Variants in PXDNL observed in about 807,000 individuals in gnomAD.
PXDNL encodes peroxidasin like, also known as probable oxidoreductase PXDNL.
PXDNL carries 145 observed loss-of-function variants against 150.8 expected under a neutral mutation model. The ratio of observed to expected loss-of-function variants is 0.96; its 90% CI spans 0.84 to 1.10. The LOEUF (loss-of-function observed/expected upper bound fraction) is 1.10. PXDNL is among the 50% of genes least tolerant of loss of function. The probability of loss-of-function intolerance (pLI) is 0.00; values close to 1 mark genes in which losing one functional copy is unlikely to be tolerated. For missense variants in PXDNL, 2,087 were observed against 1,873.9 expected (o/e 1.11, Z -2.10); for synonymous variants, 757 against 725.7 (o/e 1.04, Z -0.69).
chr8:51,471,318 T>G (rs1370807570), intron 8 of PXDNL, among the ~76,000 whole-genome samples: 7 of 152,130 alleles, frequency 4.6e-5, no homozygotes, highest in Non-Finnish European at 8.8e-5. Context: ...GGTGATCACA[T>G]TTAACTTTTT....
chr8:51,500,697 T>A (rs151078682), intron 4 of PXDNL, among the ~76,000 whole-genome samples: 58 of 152,310 alleles, frequency 3.8e-4, no homozygotes, highest in African/African-American at 1.3e-3. Flanking sequence ...AAAGTTTCCA[T>A]GAAAAGTAAC....
At chr8:51,644,927 A>C (rs977428451) in intron 2 of PXDNL, among the ~76,000 whole-genome samples, 4 of 151,972 alleles carry the variant, frequency 2.6e-5, no homozygotes, top group Non-Finnish European at 5.9e-5. Context: ...TGAATCAGTC[A>C]GGGTTCTCCA....
rs369167338 is a variant in PXDNL, at chr8:51,342,633, C to T, written c.4017-2880G>A. Reference sequence around the variant, plus strand: ...CAATGCCCTCTGCCTGGGAGCAGAGCAGTAATGAGTCTGGGAAGCTGTGTA... The same window carrying T: ...CAATGCCCTCTGCCTGGGAGCAGAGTAGTAATGAGTCTGGGAAGCTGTGTA... On this transcript the variant is annotated intron_variant, in intron 20 of 22. Transcript: ENST00000356297. Among the ~76,000 whole-genome samples the T allele has an allele frequency of 2.0e-5, 3 of 152,060 alleles. No individual in the cohort carries two copies. In the East Asian group the frequency reaches 5.8e-4, roughly 29 times the overall value.
chr8:51,470,161 T>C (rs1810291903), intron 8 of PXDNL, among the ~76,000 whole-genome samples: 1 of 152,104 alleles, frequency 6.6e-6, no homozygotes, highest in South Asian at 2.1e-4. Flanking sequence ...GCGATTTCTG[T>C]TTATCAAGTG....
chr8:51,583,560 TA>T (rs1319402227), intron 3 of PXDNL, among the ~76,000 whole-genome samples: 13 of 152,286 alleles, frequency 8.5e-5, no homozygotes, highest in Non-Finnish European at 7.4e-5. Flanking sequence ...CATAGTAACT[TA>T]CTATTAAAAT....
chr8:51,580,058 C>T (rs1261520243), intron 3 of PXDNL, among the ~76,000 whole-genome samples: 1 of 151,396 alleles, frequency 6.6e-6, no homozygotes, highest in Non-Finnish European at 1.5e-5. Flanking sequence ...AAGGCAATCA[C>T]AAAAGGTTAT....
At chr8:51,806,014 A>C (rs1188371468) in intron 1 of PXDNL, among the ~76,000 whole-genome samples, 1 of 152,234 alleles carries the variant, frequency 6.6e-6, no homozygotes, top group Non-Finnish European at 1.5e-5. Flanking sequence ...CCACGGCACA[A>C]AGAGTGAGAT....
chr8:51,767,766 G>C (rs564767410), intron 1 of PXDNL, among the ~76,000 whole-genome samples: 50 of 152,268 alleles, frequency 3.3e-4, no homozygotes, highest in Middle Eastern at 3.4e-3. Context: ...TTCCTTTTAA[G>C]ATTTTTGGCC....
intron 4 of PXDNL, among the ~76,000 whole-genome samples, chr8:51,541,227 C>T (rs114924523): frequency 0.019 from 2,698 of 144,776 alleles, 33 homozygotes; most frequent in African/African-American, 0.036. Context: ...CGCTGCACTC[C>T]GGCCTGGCGA....
At chr8:51,560,307 G>A (rs1812693201) in intron 3 of PXDNL, among the ~76,000 whole-genome samples, 1 of 151,632 alleles carries the variant, frequency 6.6e-6, no homozygotes, top group African/African-American at 2.4e-5. Context: ...GCAGAAATAG[G>A]GAATCTCATC....
At chr8:51,485,019 T>A (rs4873553) in intron 5 of PXDNL, among the ~76,000 whole-genome samples, 145,526 of 152,300 alleles carry the variant, frequency 0.96, 69,892 homozygotes, top group East Asian at 1. Flanking sequence ...GAAACTTAAC[T>A]ATTAGCTACA....
intron 2 of PXDNL, 87 bp from the exon 3 acceptor site, chr8:51,592,785 A>T: frequency 4.7e-6 from 4 of 855,284 alleles, no homozygotes; most frequent in East Asian, 3.1e-5. Flanking sequence ...ATAGTGCTTT[A>T]CACAACAGAA....
intron 1 of PXDNL, among the ~76,000 whole-genome samples, chr8:51,801,282 T>G (rs1480377822): frequency 6.6e-6 from 1 of 152,024 alleles, no homozygotes; most frequent in African/African-American, 2.4e-5. Flanking sequence ...CCCTGGTAAA[T>G]TTGAGGTCAG....
chr8:51,689,385 A>G (rs940228133), intron 1 of PXDNL, among the ~76,000 whole-genome samples: 3 of 151,636 alleles, frequency 2.0e-5, no homozygotes, highest in Non-Finnish European at 4.4e-5. Flanking sequence ...ACGTCTTTAA[A>G]TATTTATGAC....
chr8:51,735,528 T>TG (rs1817015525), intron 1 of PXDNL, among the ~76,000 whole-genome samples: 1 of 2,096 alleles, frequency 4.8e-4, no homozygotes, highest in Non-Finnish European at 1.6e-3. Context: ...TAAAAATTGT[T>TG]TTTTTTTTTT....
intron 5 of PXDNL, among the ~76,000 whole-genome samples, chr8:51,487,637 G>A (rs970418379): frequency 1.3e-5 from 2 of 152,158 alleles, no homozygotes; most frequent in African/African-American, 4.8e-5. Flanking sequence ...TCCACTAAAT[G>A]TGCTTGGATT....
At chr8:51,509,395 C>T (rs984899636) in intron 4 of PXDNL, among the ~76,000 whole-genome samples, 5 of 152,126 alleles carry the variant, frequency 3.3e-5, no homozygotes, top group Non-Finnish European at 2.9e-5. Context: ...AAATGTACAT[C>T]GCTCACAATG....
chr8:51,596,355 A>T (rs924204751), intron 2 of PXDNL, among the ~76,000 whole-genome samples: 8 of 152,196 alleles, frequency 5.3e-5, no homozygotes, highest in Non-Finnish European at 8.8e-5. Flanking sequence ...AGCTGTGATT[A>T]ACATATGAGC....
At chr8:51,652,695 C>T (rs758199470) in intron 2 of PXDNL, among the ~76,000 whole-genome samples, 14 of 151,946 alleles carry the variant, frequency 9.2e-5, no homozygotes, top group Non-Finnish European at 1.8e-4. Context: ...GTAAAATGAA[C>T]GTAGTAACAC....
Sources: allele counts gnomAD v4.1 joint callset (sites outside exome capture counted in the v4.1 genomes callset), GRCh38; gene constraint gnomAD v4.1.1; transcripts MANE v1.5; gene names NCBI Gene and HGNC (gene_info 2026-07-23, HGNC 2026-07-21).